The following CISD1 variants were observed in gnomAD, a reference collection of about 807,000 sequenced individuals.
CISD1 encodes the protein CDGSH iron-sulfur domain-containing protein 1.
CISD1 carries 8 observed loss-of-function variants against 12.0 expected under a neutral mutation model. That is an observed-to-expected ratio of 0.67 (90% CI 0.39 to 1.20). The LOEUF (loss-of-function observed/expected upper bound fraction) is 1.20, where lower values mean the gene tolerates loss of function less well. Among genes scored for constraint, CISD1 ranks in the 50% most tolerant of loss-of-function variants. CISD1 has a pLI of 0.01. For missense variants in CISD1, 107 were observed against 132.7 expected (o/e 0.81, Z 0.95); for synonymous variants, 38 against 42.2 (o/e 0.90, Z 0.39).
Position 58,269,169 on chromosome 10 carries a change from C to A in CISD1, c.-105C>A, listed in dbSNP as rs1335331490. ...CCGCGGCGCCTGCGCGGTAGCATCG[C>A]GGAGTCGGTGCTTTAGTACGCCGCT... On this transcript the variant is annotated 5_prime_UTR_variant, in exon 1 of 3. Transcript: ENST00000333926. 39 of 1,224,902 alleles carry A rather than the reference C, an allele frequency of 3.2e-5. No homozygotes were observed. Among genetic ancestry groups the A allele is most frequent in the Non-Finnish European group, 4.5e-5 (38 of 844,730 alleles). The allele number at this position is 1,224,902 out of a possible 1,614,324, so 75.9% of individuals were successfully genotyped here. A position where few individuals can be genotyped will look rare whatever the true frequency, so the allele number is the denominator to read the frequency against.
At chr10:58,277,497 G>A (rs1366964591) in intron 2 of CISD1, among the ~76,000 whole-genome samples, 175 bp downstream of exon 2, 1 of 151,930 alleles carries the variant, frequency 6.6e-6, no homozygotes, top group Non-Finnish European at 1.5e-5. Context: ...TCAGCTCACT[G>A]CAACCTCCAC....
chr10:58,279,379 A>G (rs1839350479), intron 2 of CISD1, among the ~76,000 whole-genome samples: 1 of 152,116 alleles, frequency 6.6e-6, no homozygotes, highest in Non-Finnish European at 1.5e-5. Flanking sequence ...ATTTTTATGA[A>G]AAGTCCCAAG....
chr10:58,287,694 C>G lies in CISD1; in HGVS notation c.*44C>G, dbSNP rs369655320. ...GCAAATCAGCTTGTCGTGAAGTTAC[C>G]TGATTGTTTAATTAGAATGACTACC... On this transcript the variant is annotated 3_prime_UTR_variant, in exon 3 of 3. Coordinates refer to ENST00000333926, the MANE Select transcript of CISD1 (RefSeq NM_018464.5). 39 of 1,315,718 alleles carry G rather than the reference C, an allele frequency of 3.0e-5. No individual in the cohort carries two copies. The African/African-American group carries it at 4.5e-4, about 15-fold the overall frequency. The allele number at this position is 1,315,718 out of a possible 1,614,324, so 81.5% of individuals were successfully genotyped here.
intron 2 of CISD1, among the ~76,000 whole-genome samples, chr10:58,280,446 AG>A (rs1839361549): frequency 1.3e-5 from 2 of 152,224 alleles, no homozygotes; most frequent in Admixed American, 1.3e-4. Context: ...GGATTAGAAG[AG>A]GGTTATGCCA....
intron 2 of CISD1, among the ~76,000 whole-genome samples, chr10:58,287,020 C>T (rs984906392): frequency 2.0e-5 from 3 of 152,156 alleles, no homozygotes; most frequent in Non-Finnish European, 2.9e-5. Context: ...GCAACTTCCC[C>T]TCCCAGGTTC....
chr10:58,277,002 A>G, intron 1 of CISD1, 115 bp from the exon 2 acceptor site: 1 of 666,636 alleles, frequency 1.5e-6, no homozygotes, highest in Non-Finnish European at 2.6e-6. Flanking sequence ...TAACATTAAA[A>G]ACCTTGGACT....
intron 2 of CISD1, chr10:58,282,932 C>T (rs1330481141): frequency 6.6e-6 from 1 of 152,064 alleles, no homozygotes; most frequent in Non-Finnish European, 1.5e-5. Context: ...TGTATGACGG[C>T]CACCTAGGAG....
At chr10:58,279,237 A>G (rs1223511138) in intron 2 of CISD1, among the ~76,000 whole-genome samples, 1 of 152,202 alleles carries the variant, frequency 6.6e-6, no homozygotes, top group African/African-American at 2.4e-5. Flanking sequence ...TAAGGTATAT[A>G]TAAAACATAA....
chr10:58,280,099 ACT>A (rs1335256804), intron 2 of CISD1, among the ~76,000 whole-genome samples: 2 of 152,212 alleles, frequency 1.3e-5, no homozygotes, highest in Non-Finnish European at 1.5e-5. Context: ...TATATTGGAG[ACT>A]CTCAAAATCT....
In CISD1 at chr10:58,277,284, G is replaced by A; in HGVS notation, c.199G>A (p.Asp67Asn). Residue 67 changes from aspartate (D) to asparagine (N), a missense_variant, in exon 2 of 3, where the codon GAT becomes AAT. By Grantham distance (23) the Asp-to-Asn change is conservative (BLOSUM62 1). Coordinates refer to ENST00000333926, the MANE Select transcript of CISD1 (RefSeq NM_018464.5). ...VHAFDMEDLG[D>N]KAVYCRCWRS... is the part of the protein sequence containing the mutation. ...TGCTTTTGACATGGAGGATTTGGGA[G>A]ATAAAGCTGTGTACTGCCGTTGTTG... 6.2e-7 allele frequency: 1 copy of A among 1,608,992 alleles called. No homozygotes were observed. The highest frequency in any genetic ancestry group is 8.5e-7 in the Non-Finnish European group (1 of 1,177,758).
chr10:58,270,608 G>A (rs529571865), intron 1 of CISD1, among the ~76,000 whole-genome samples: 5 of 152,292 alleles, frequency 3.3e-5, no homozygotes, highest in Non-Finnish European at 7.4e-5. Context: ...TTGTGTACAT[G>A]AACACTAAAC....
At chr10:58,270,368 A>T (rs1227642059) in intron 1 of CISD1, among the ~76,000 whole-genome samples, 3 of 152,256 alleles carry the variant, frequency 2.0e-5, no homozygotes, top group Non-Finnish European at 4.4e-5. Context: ...ATTATATTAA[A>T]GGATACTCAT....
At position 58,269,162 on chromosome 10, in the gene CISD1, A is replaced by G. The variant is rs1839205748; in HGVS notation, c.-112A>G. ...CGACCCGCCGCGGCGCCTGCGCGGT[A>G]GCATCGCGGAGTCGGTGCTTTAGTA... is the stretch of plus-strand genomic sequence containing the variant. On this transcript the variant is annotated 5_prime_UTR_variant, in exon 1 of 3. Transcript: ENST00000333926. The G allele has an allele frequency of 1.8e-6, 2 of 1,137,900 alleles. No individual in the cohort carries two copies. Among genetic ancestry groups the G allele is most frequent in the Admixed American group, 1.8e-5 (1 of 56,268 alleles). The allele number at this position is 1,137,900 out of a possible 1,614,324, so 70.5% of individuals were successfully genotyped here. A position where few individuals can be genotyped will look rare whatever the true frequency, so the allele number is the denominator to read the frequency against.
chr10:58,278,069 G>A (rs1839335164), intron 2 of CISD1, among the ~76,000 whole-genome samples: 4 of 152,088 alleles, frequency 2.6e-5, no homozygotes, highest in Admixed American at 1.3e-4. Flanking sequence ...CCCTTTTGGA[G>A]GTGTCATCTA....
chr10:58,287,726 G>T lies in CISD1; in HGVS notation c.*76G>T. 1 of 867,486 alleles carries T rather than the reference G, an allele frequency of 1.2e-6. No homozygotes were observed. 53.7% of individuals were successfully genotyped at this position (867,486 alleles called of 1,614,324 possible). On this transcript the variant is annotated 3_prime_UTR_variant, in exon 3 of 3. Transcript: ENST00000333926. ...TTTAATTAGAATGACTACCACCTCT[G>T]TCTGATTCACCTTCGCTGGATTCTA...
chr10:58,279,656 C>A (rs1291360092), intron 2 of CISD1, among the ~76,000 whole-genome samples: 1 of 152,148 alleles, frequency 6.6e-6, no homozygotes, highest in Non-Finnish European at 1.5e-5. Flanking sequence ...ATAAAGTAAT[C>A]TAGAAATTGT....
intron 1 of CISD1, 140 bp downstream of exon 1, chr10:58,269,444 C>T: frequency 2.6e-6 from 2 of 757,392 alleles, no homozygotes; most frequent in Non-Finnish European, 4.2e-6. Context: ...AGCGCTCGGC[C>T]CGGCTGCGGG....
At chr10:58,283,582 T>C (rs1211876497) in intron 2 of CISD1, among the ~76,000 whole-genome samples, 1 of 152,096 alleles carries the variant, frequency 6.6e-6, no homozygotes, top group Non-Finnish European at 1.5e-5. Flanking sequence ...TTGTTTCAGG[T>C]GGAAGAGATA....
In CISD1 at chr10:58,287,832, CAAAAAA is replaced by C; in HGVS notation, c.*194_*199del. 1.6e-4 allele frequency: 39 copies of C among 248,854 alleles called. No homozygotes were observed. The highest frequency in any genetic ancestry group is 2.3e-4 in the East Asian group (4 of 17,260). 15.4% of individuals were successfully genotyped at this position (248,854 alleles called of 1,614,324 possible). ...ACATCGTGGTGCACATTTGTTTAAA[CAAAAAA>C]AAAAAAAAAAAGGAAAAACCAACCT... On this transcript the variant is annotated 3_prime_UTR_variant, in exon 3 of 3. Coordinates refer to ENST00000333926, the MANE Select transcript of CISD1 (RefSeq NM_018464.5).
Sources: allele counts gnomAD v4.1 joint callset (sites outside exome capture counted in the v4.1 genomes callset), GRCh38; gene constraint gnomAD v4.1.1; transcripts MANE v1.5; gene names NCBI Gene and HGNC (gene_info 2026-07-23, HGNC 2026-07-21).